IGSF23: variants seen among roughly 807,000 people sequenced by gnomAD.
IGSF23 encodes immunoglobulin superfamily member 23.
A neutral mutation model predicts 17.8 loss-of-function variants in IGSF23; 14 were observed. The observed-to-expected ratio is 0.79, with a 90% CI of 0.52 to 1.23. The LOEUF (loss-of-function observed/expected upper bound fraction) is 1.23, where lower values mean the gene tolerates loss of function less well. Ranked by LOEUF, IGSF23 falls within the 50% of genes most tolerant of loss-of-function variation. The probability of loss-of-function intolerance (pLI) is 0.00; values close to 1 mark genes in which losing one functional copy is unlikely to be tolerated. For synonymous variants in IGSF23, 85 were observed against 92.5 expected, an observed-to-expected ratio of 0.92 and a Z score of 0.46; for missense variants, 214 against 241.7, an observed-to-expected ratio of 0.89 and a Z score of 0.76.
Position 44,623,859 on chromosome 19 carries a change from G to A in IGSF23, c.278G>A (p.Gly93Glu), listed in dbSNP as rs771178844. The change falls in exon 2 of 5, where the codon GGA becomes GAA. Residue 93 changes from glycine to glutamate, a missense_variant. Transcript: ENST00000402988. ...WTFSGVPCGMGEKLFIRRLSC... is the reference protein window; with the variant it reads ...WTFSGVPCGMEEKLFIRRLSC... ...TTCAGTGGGGTGCCCTGTGGGATGG[G>A]AGAGAAGCTGTTCATCCGACGGTTG... is the stretch of plus-strand genomic sequence containing the variant. The A allele has an allele frequency of 7.7e-6, 12 of 1,550,874 alleles. No homozygotes were observed. In the South Asian group the frequency reaches 1.2e-4, roughly 15 times the overall value.
chr19:44,621,274 C>A (rs1468793025), intron 1 of IGSF23, among the ~76,000 whole-genome samples: 2 of 119,084 alleles, frequency 1.7e-5, no homozygotes, highest in African/African-American at 6.5e-5. Context: ...CACAGCAAGA[C>A]CCTGTCTCAA....
intron 3 of IGSF23, among the ~76,000 whole-genome samples, chr19:44,631,072 T>C (rs1277477875): frequency 1.5e-5 from 2 of 137,444 alleles, no homozygotes; most frequent in Non-Finnish European, 1.5e-5. Context: ...CTGGGCAGCA[T>C]AGCGAGACTC....
intron 3 of IGSF23, among the ~76,000 whole-genome samples, chr19:44,632,796 AAAGTT>A (rs1285911399): frequency 6.6e-6 from 1 of 152,246 alleles, no homozygotes; most frequent in Non-Finnish European, 1.5e-5. Flanking sequence ...CAAAAAATTT[AAAGTT>A]AATAATGCTA....
At chr19:44,621,519 A>G (rs1972521819) in intron 1 of IGSF23, among the ~76,000 whole-genome samples, 1 of 149,652 alleles carries the variant, frequency 6.7e-6, no homozygotes, top group Non-Finnish European at 1.5e-5. Context: ...GCACGCCTGT[A>G]ATCCCAACTA....
At chr19:44,618,981 T>TAA (rs34199985) in intron 1 of IGSF23, among the ~76,000 whole-genome samples, 57 of 145,158 alleles carry the variant, frequency 3.9e-4, no homozygotes, top group East Asian at 3.4e-3. Context: ...GTTATTTATT[T>TAA]AAAAAAAAAA....
chr19:44,625,585 G>C (rs1217768083), intron 2 of IGSF23, among the ~76,000 whole-genome samples: 2 of 152,172 alleles, frequency 1.3e-5, no homozygotes, highest in Admixed American at 1.3e-4. Context: ...CTTCAGGGTT[G>C]TTATAAGGAA....
chr19:44,618,305 C>T, intron 1 of IGSF23: 2 of 398,530 alleles, frequency 5.0e-6, no homozygotes, highest in South Asian at 3.7e-5. Flanking sequence ...TGCTGGGAAC[C>T]CAAGGCAGCC....
chr19:44,613,810 A>T (rs1275718707), intron 1 of IGSF23, 40 bp downstream of exon 1: 1 of 1,549,262 alleles, frequency 6.5e-7, no homozygotes, highest in Non-Finnish European at 8.7e-7. Context: ...GGGCATGGTC[A>T]TCGTGAGCAG....
At position 44,628,864 on chromosome 19, in the gene IGSF23, C is replaced by T. The variant is rs1005113312; in HGVS notation, c.545+1291C>T. Among the ~76,000 whole-genome samples, 6 of 152,066 alleles carry T rather than the reference C, an allele frequency of 3.9e-5. No homozygotes were observed. In the East Asian group the frequency reaches 7.7e-4, roughly 20 times the overall value. On this transcript the variant is annotated intron_variant, in intron 3 of 4. Transcript: ENST00000402988. Reference sequence around the variant, plus strand: ...GATTGTGGAGTGGGGTGGCATTTAACGAGTCAGGGAAGGCCTCCCTGGGAC... The same window carrying T: ...GATTGTGGAGTGGGGTGGCATTTAATGAGTCAGGGAAGGCCTCCCTGGGAC...
chr19:44,634,775 T>G (rs1276703912), intron 3 of IGSF23, among the ~76,000 whole-genome samples: 1 of 146,320 alleles, frequency 6.8e-6, no homozygotes, highest in Non-Finnish European at 1.5e-5. Flanking sequence ...TACTCCAGCC[T>G]GGGCAACAGA....
At chr19:44,630,379 G>A (rs62119266) in intron 3 of IGSF23, among the ~76,000 whole-genome samples, 3 of 152,154 alleles carry the variant, frequency 2.0e-5, no homozygotes, top group East Asian at 1.9e-4. Flanking sequence ...TATTATTGTC[G>A]TCATTTCCCA....
At chr19:44,631,506 C>T (rs576001646) in intron 3 of IGSF23, among the ~76,000 whole-genome samples, 1 of 152,168 alleles carries the variant, frequency 6.6e-6, no homozygotes, top group African/African-American at 2.4e-5. Flanking sequence ...GAGAATCATG[C>T]CAAGACCAGC....
intron 3 of IGSF23, among the ~76,000 whole-genome samples, chr19:44,633,204 A>G (rs886119967): frequency 1.3e-5 from 2 of 152,266 alleles, no homozygotes; most frequent in Non-Finnish European, 1.5e-5. Flanking sequence ...TATGACTATT[A>G]AAGGCCAGTT....
In IGSF23 at chr19:44,619,006, C is replaced by T. The variant is rs990221141; in HGVS notation, c.126-4701C>T. Among the ~76,000 whole-genome samples the T allele has an allele frequency of 7.3e-5, 11 of 150,104 alleles. No homozygotes were observed. In the South Asian group the frequency reaches 1.9e-3, roughly 26 times the overall value. Reference sequence around the variant, plus strand: ...TAAAAAAAAAAAAAAAAGAAGAAGACGTTTGATTGGCTCATGGTTCCACAG... The same window carrying T: ...TAAAAAAAAAAAAAAAAGAAGAAGATGTTTGATTGGCTCATGGTTCCACAG... On this transcript the variant is annotated intron_variant, in intron 1 of 4. Coordinates refer to ENST00000402988, the MANE Select transcript of IGSF23 (RefSeq NM_001205280.2).
intron 2 of IGSF23, among the ~76,000 whole-genome samples, chr19:44,625,360 G>A (rs143775450): frequency 6.6e-6 from 1 of 152,258 alleles, no homozygotes; most frequent in East Asian, 1.9e-4. Context: ...ATTATTAATT[G>A]TAGCTATTAC....
Position 44,627,533 on chromosome 19 carries a change from C to G in IGSF23, c.505C>G (p.Leu169Val). Reference protein sequence around the residue: ...LAAGILGAGALIAGMCFIIIQ... With the variant: ...LAAGILGAGAVIAGMCFIIIQ... Reference sequence around the variant, plus strand: ...GGCTGGGATCCTGGGAGCCGGGGCACTGATTGCAGGCATGTGTTTCATCAT... The same window carrying G: ...GGCTGGGATCCTGGGAGCCGGGGCAGTGATTGCAGGCATGTGTTTCATCAT... The change falls in exon 3 of 5, where the codon CTG becomes GTG. Residue 169 changes from leucine to valine, a missense_variant. By Grantham distance (32) the Leu-to-Val change is conservative. Coordinates refer to ENST00000402988, the MANE Select transcript of IGSF23 (RefSeq NM_001205280.2). The G allele has an allele frequency of 6.4e-7, 1 of 1,550,532 alleles. No individual in the cohort carries two copies. Among genetic ancestry groups the G allele is most frequent in the South Asian group, 1.2e-5 (1 of 84,058 alleles).
At chr19:44,620,478 T>G (rs1223619333) in intron 1 of IGSF23, among the ~76,000 whole-genome samples, 1 of 150,770 alleles carries the variant, frequency 6.6e-6, no homozygotes, top group African/African-American at 2.4e-5. Context: ...GCGAGTCTCC[T>G]GCCTCAGCCT....
At chr19:44,620,539 A>T (rs1465605184) in intron 1 of IGSF23, among the ~76,000 whole-genome samples, 1 of 151,800 alleles carries the variant, frequency 6.6e-6, no homozygotes, top group East Asian at 2.0e-4. Context: ...GCTAATTTTT[A>T]TATTTTTAGT....
intron 1 of IGSF23, 110 bp downstream of exon 1, chr19:44,613,880 T>G: frequency 6.5e-7 from 1 of 1,548,658 alleles, no homozygotes; most frequent in Non-Finnish European, 8.7e-7. Flanking sequence ...GAAGACCCCA[T>G]GTGTGATGAG....
Sources: gnomAD v4.1 joint callset for allele counts (sites outside exome capture counted in the v4.1 genomes callset) on GRCh38, gnomAD v4.1.1 for gene constraint, MANE v1.5 for transcripts, NCBI Gene and HGNC (gene_info 2026-07-23, HGNC 2026-07-21) for gene names.